CYP3A43: variants seen among roughly 807,000 people sequenced by gnomAD.
The protein encoded by CYP3A43 is cytochrome P450 family 3 subfamily A member 43, also known as cytochrome P450 3A43.
Under a neutral mutation model 58.0 loss-of-function variants are expected in CYP3A43, and 45 were observed. The observed-to-expected ratio is 0.78, with a 90% CI of 0.61 to 0.99. The LOEUF (loss-of-function observed/expected upper bound fraction) is 0.99. Among genes scored for constraint, CYP3A43 ranks in the 50% least tolerant of loss-of-function variants. The pLI, the probability that CYP3A43 is intolerant of heterozygous loss-of-function variation, is 0.00. For missense variants in CYP3A43, 593 were observed against 591.9 expected (o/e 1.00, Z -0.02); for synonymous variants, 191 against 201.4 (o/e 0.95, Z 0.44).
chr7:99,859,711 G>A, intron 9 of CYP3A43, 119 bp from the exon 10 acceptor site: 1 of 1,318,706 alleles, frequency 7.6e-7, no homozygotes, highest in African/African-American at 1.5e-5. Flanking sequence ...GTGTGACTCT[G>A]AATTGCTTTT....
intron 12 of CYP3A43, among the ~76,000 whole-genome samples, chr7:99,864,365 C>T (rs533953000): frequency 6.7e-6 from 1 of 148,816 alleles, no homozygotes; most frequent in Non-Finnish European, 1.5e-5. Context: ...CTGCTTCATA[C>T]AAGCTGTGCA....
chr7:99,865,797 T>C (rs184054439), intron 12 of CYP3A43, 109 bp from the exon 13 acceptor site: 1 of 678,364 alleles, frequency 1.5e-6, no homozygotes, highest in East Asian at 2.9e-5. Flanking sequence ...AAAGTAGTTT[T>C]TTTTTAGTCA....
intron 4 of CYP3A43, among the ~76,000 whole-genome samples, chr7:99,845,781 CTT>C (rs1175348641): frequency 8.8e-5 from 11 of 124,728 alleles, no homozygotes; most frequent in Non-Finnish European, 9.8e-5. Context: ...CTTGTTTTTG[CTT>C]TTTTTTTTTT....
intron 3 of CYP3A43, among the ~76,000 whole-genome samples, chr7:99,843,396 G>A (rs1265820566): frequency 6.6e-6 from 1 of 151,822 alleles, no homozygotes; most frequent in Non-Finnish European, 1.5e-5. Context: ...GTCACTTTTT[G>A]GTTAACAAGA....
chr7:99,828,136 T>C lies in CYP3A43; in HGVS notation c.21T>C (p.Phe7=), dbSNP rs2151582929. The change falls in exon 1 of 13, where the codon TTT becomes TTC. Residue 7 remains phenylalanine (F), a synonymous_variant. Transcript: ENST00000354829. MDLIPN[F]AMETWVLVAT... ...TGGTGATGGATCTCATTCCAAACTT[T>C]GCCATGGAAACATGGGTTCTTGTGG... 1 of 1,613,232 alleles carries C rather than the reference T, an allele frequency of 6.2e-7. No individual in the cohort carries two copies.
Position 99,847,887 on chromosome 7 carries a change from C to T in CYP3A43, c.433-279C>T, listed in dbSNP as rs183691248. 5.1e-4 allele frequency: 263 copies of T among 517,370 alleles called. 7 individuals are homozygous for T. The East Asian group carries it at 9.5e-3, about 19-fold the overall frequency. 32.0% of individuals were successfully genotyped at this position (517,370 alleles called of 1,614,324 possible). A position where few individuals can be genotyped will look rare whatever the true frequency, so the allele number is the denominator to read the frequency against. On this transcript the variant is annotated intron_variant, in intron 5 of 12. Transcript: ENST00000354829. ...ATTAGCTGGGCATGGTGGCGGATGC[C>T]TATAATCCTAGCTGCTCAGAAGGCT... is the stretch of plus-strand genomic sequence containing the variant.
chr7:99,859,227 G>A (rs565695198), intron 9 of CYP3A43, among the ~76,000 whole-genome samples: 2 of 152,288 alleles, frequency 1.3e-5, no homozygotes, highest in South Asian at 2.1e-4. Context: ...TGAGGGTAGG[G>A]TTTGAGATTC....
At chr7:99,842,379 T>C (rs771809628) in intron 3 of CYP3A43, among the ~76,000 whole-genome samples, 3 of 152,218 alleles carry the variant, frequency 2.0e-5, no homozygotes, top group Non-Finnish European at 2.9e-5. Flanking sequence ...CTCATTCATA[T>C]TACTGATAAT....
At chr7:99,828,976 AC>A (rs1816733285) in intron 1 of CYP3A43, among the ~76,000 whole-genome samples, 1 of 152,152 alleles carries the variant, frequency 6.6e-6, no homozygotes, top group East Asian at 1.9e-4. Context: ...CAATAAAATA[AC>A]CTTTGTTCAT....
At chr7:99,840,599 A>T (rs767939336) in intron 3 of CYP3A43, among the ~76,000 whole-genome samples, 6 of 152,184 alleles carry the variant, frequency 3.9e-5, no homozygotes, top group African/African-American at 4.8e-5. Flanking sequence ...CCTTACACAA[A>T]TGTAATCATT....
chr7:99,856,544 T>C (rs1817988062), intron 8 of CYP3A43, among the ~76,000 whole-genome samples: 1 of 152,232 alleles, frequency 6.6e-6, no homozygotes, highest in Non-Finnish European at 1.5e-5. Flanking sequence ...CTGACAACTC[T>C]TTGGCCAGGA....
chr7:99,851,336 G>T (rs10225908), intron 7 of CYP3A43, among the ~76,000 whole-genome samples: 29,602 of 152,122 alleles, frequency 0.19, 5,822 homozygotes, highest in African/African-American at 0.51. Context: ...GTGGAATGGA[G>T]GCGTTTTATA....
intron 2 of CYP3A43, among the ~76,000 whole-genome samples, chr7:99,837,318 C>CAA (rs35566033): frequency 0.1 from 6,645 of 66,588 alleles, 942 homozygotes; most frequent in African/African-American, 0.28. Context: ...GACTGTGTCT[C>CAA]AAAAAAAAAA....
At chr7:99,857,874 A>T (rs1818047764) in intron 9 of CYP3A43, among the ~76,000 whole-genome samples, 1 of 152,104 alleles carries the variant, frequency 6.6e-6, no homozygotes, top group African/African-American at 2.4e-5. Context: ...AAATAAGTAA[A>T]AATAAAGAGC....
chr7:99,839,251 C>A, intron 3 of CYP3A43, 79 bp downstream of exon 3: 1 of 1,551,056 alleles, frequency 6.4e-7, no homozygotes, highest in Non-Finnish European at 8.9e-7. Flanking sequence ...CAATCTCAGC[C>A]CAGATTTTGT....
intron 7 of CYP3A43, among the ~76,000 whole-genome samples, chr7:99,850,873 T>C (rs694924): frequency 0.18 from 28,088 of 152,194 alleles, 5,050 homozygotes; most frequent in African/African-American, 0.47. Context: ...ATTGTATAGA[T>C]ATGCTGCATT....
intron 7 of CYP3A43, among the ~76,000 whole-genome samples, chr7:99,854,618 T>C (rs1270539114): frequency 6.6e-6 from 1 of 152,248 alleles, no homozygotes; most frequent in Non-Finnish European, 1.5e-5. Context: ...GCTTTAGTTT[T>C]ACTTTGCTCT....
At chr7:99,858,729 G>C (rs1818098730) in intron 9 of CYP3A43, among the ~76,000 whole-genome samples, 1 of 150,996 alleles carries the variant, frequency 6.6e-6, no homozygotes, top group South Asian at 2.1e-4. Context: ...GTCTCACTCT[G>C]TCACCCAGGC....
At chr7:99,850,748 A>G (rs1267288732) in intron 7 of CYP3A43, among the ~76,000 whole-genome samples, 1 of 152,224 alleles carries the variant, frequency 6.6e-6, no homozygotes, top group Admixed American at 6.5e-5. Flanking sequence ...ATTGAATCAT[A>G]TAATATGTGG....
Sources: gnomAD v4.1 joint callset for allele counts (sites outside exome capture counted in the v4.1 genomes callset) on GRCh38, gnomAD v4.1.1 for gene constraint, MANE v1.5 for transcripts, NCBI Gene and HGNC (gene_info 2026-07-23, HGNC 2026-07-21) for gene names.